The following FANCA variants were observed in gnomAD, a reference collection of about 807,000 sequenced individuals.
FANCA encodes the protein Fanconi anemia group A protein.
FANCA carries 236 observed loss-of-function variants against 194.3 expected under a neutral mutation model. That is an observed-to-expected ratio of 1.21 (90% CI 1.09 to 1.35). FANCA has a LOEUF of 1.35. FANCA is among the 40% of genes most tolerant of loss of function. FANCA has a pLI of 0.00. For missense variants in FANCA, 2,628 were observed against 1,813.9 expected, an observed-to-expected ratio of 1.45 and a Z score of -8.15; for synonymous variants, 1,014 against 715.8, an observed-to-expected ratio of 1.42 and a Z score of -6.65.
rs2062090760 is a variant in FANCA at position 89,740,100 on chromosome 16, C to G, written c.3829-1G>C. 6.2e-7 allele frequency: 1 copy of G among 1,613,970 alleles called. No homozygotes were observed. Among genetic ancestry groups the G allele is most frequent in the Non-Finnish European group, 8.5e-7 (1 of 1,179,912 alleles). On this transcript the variant is annotated splice_acceptor_variant, in intron 38 of 42. Transcript: ENST00000389301. LOFTEE classifies it high-confidence loss of function. ...AAGCCTTTGGCAGGTCTGTGGTGCT[C>G]TGTAAACCGCAGGAGACCAACCCTG...
At chr16:89,806,662 G>A (rs1038896316) in intron 6 of FANCA, among the ~76,000 whole-genome samples, 12 of 152,096 alleles carry the variant, frequency 7.9e-5, no homozygotes, top group Admixed American at 7.9e-4. Flanking sequence ...GCACAGGGTT[G>A]GGGGCAAGGT....
At position 89,764,034 on chromosome 16, in the gene FANCA, G is replaced by C. The variant is rs552085061; in HGVS notation, c.2778+856C>G. Reference sequence around the variant, plus strand: ...AGGCGTGTGGGTAATTTGAGGCCAGGAGTTTAAGACCAGCCTGGACAACAT... The same window carrying C: ...AGGCGTGTGGGTAATTTGAGGCCAGCAGTTTAAGACCAGCCTGGACAACAT... On this transcript the variant is annotated intron_variant, in intron 28 of 42. Transcript: ENST00000389301. 2.0e-5 allele frequency among the ~76,000 whole-genome samples: 3 copies of C among 151,954 alleles called. No homozygotes were observed. In the East Asian group the frequency reaches 5.9e-4, roughly 30 times the overall value.
rs140157572 is a variant in FANCA at position 89,809,214 on chromosome 16, G to A, written c.523-847C>T. 1.3e-3 allele frequency among the ~76,000 whole-genome samples: 203 copies of A among 151,788 alleles called. 1 individual carries two copies. The highest frequency in any genetic ancestry group is 7.7e-4 in the Non-Finnish European group (52 of 67,930). ...AGCCACTGGGCCCGGCCCCTAACTC[G>A]CACTCTTCACAGTCCGTGCAGGAAG... is the stretch of plus-strand genomic sequence containing the variant. On this transcript the variant is annotated intron_variant, in intron 5 of 42. Transcript: ENST00000389301.
chr16:89,738,333 G>A lies in FANCA; in HGVS notation c.*268C>T, dbSNP rs1021626760. ...ACCCTTCGTGTGCACCCGCATGGGAGGGTCGGAGGGTGCTGCCCGCCCTTG... is the reference window on the plus strand; with the variant it reads ...ACCCTTCGTGTGCACCCGCATGGGAAGGTCGGAGGGTGCTGCCCGCCCTTG... On this transcript the variant is annotated 3_prime_UTR_variant, in exon 43 of 43. Transcript: ENST00000389301. The A allele has an allele frequency of 5.3e-6, 8 of 1,498,372 alleles. No homozygotes were observed. The highest frequency in any genetic ancestry group is 7.1e-6 in the Non-Finnish European group (8 of 1,124,034). 92.8% of individuals were successfully genotyped at this position (1,498,372 alleles called of 1,614,324 possible).
chr16:89,744,911 C>A, intron 36 of FANCA, 48 bp downstream of exon 36: 1 of 1,552,456 alleles, frequency 6.4e-7, no homozygotes, highest in South Asian at 1.1e-5. Context: ...TGAGCAGGTC[C>A]CGAAGTGCAT....
chr16:89,755,162 A>C (rs1448777297), intron 30 of FANCA, among the ~76,000 whole-genome samples: 1 of 152,158 alleles, frequency 6.6e-6, no homozygotes, highest in Non-Finnish European at 1.5e-5. Context: ...GTGCTGGGAC[A>C]ACTGCATGGC....
intron 30 of FANCA, among the ~76,000 whole-genome samples, chr16:89,758,217 G>C (rs1370930111): frequency 6.6e-6 from 1 of 152,174 alleles, no homozygotes. Context: ...AGGAAGCTTG[G>C]CTTTATTTTG....
chr16:89,807,067 T>C (rs968621766), intron 6 of FANCA, among the ~76,000 whole-genome samples: 3 of 152,234 alleles, frequency 2.0e-5, no homozygotes, highest in African/African-American at 4.8e-5. Flanking sequence ...AAGGGGAGTA[T>C]TGAAACCTCT....
chr16:89,746,822 G>T lies in FANCA; in HGVS notation c.3408+9C>A. On this transcript the variant is annotated intron_variant, in intron 34 of 42. Coordinates refer to ENST00000389301, the MANE Select transcript of FANCA (RefSeq NM_000135.4). ...GAAGGCCACGAGAGGGGCTGAGGGA[G>T]CATCTCACCCTGAAGAAGTGGGCAG... 1.3e-6 allele frequency: 2 copies of T among 1,567,856 alleles called. No individual in the cohort carries two copies. The highest frequency in any genetic ancestry group is 1.7e-6 in the Non-Finnish European group (2 of 1,155,272).
intron 27 of FANCA, 145 bp downstream of exon 27, chr16:89,766,996 G>C (rs34194430): frequency 8.2e-6 from 6 of 730,794 alleles, no homozygotes; most frequent in Admixed American, 2.0e-5. Flanking sequence ...CCTGACTCAG[G>C]AGCTGCCCCA....
At chr16:89,805,152 G>T (rs2040591033) in intron 7 of FANCA, 128 bp downstream of exon 7, 3 of 731,898 alleles carry the variant, frequency 4.1e-6, no homozygotes, top group Non-Finnish European at 7.4e-6. Flanking sequence ...CTGGGAGTCT[G>T]TCATGCCAGG....
chr16:89,762,788 G>C (rs12598276), intron 28 of FANCA: 27,921 of 449,572 alleles, frequency 0.062, 1,357 homozygotes, highest in East Asian at 0.22. Flanking sequence ...ACATCACCAT[G>C]ACCAGCTAAG....
rs1488079248 is a variant in FANCA, at chr16:89,783,078, C to G, written c.1495G>C (p.Val499Leu). 1.2e-6 allele frequency: 2 copies of G among 1,613,776 alleles called. No homozygotes were observed. The highest frequency in any genetic ancestry group is 8.5e-7 in the Non-Finnish European group (1 of 1,179,794). Residue 499 changes from valine to leucine, a missense_variant, in exon 16 of 43, where the codon GTT becomes CTT. Transcript: ENST00000389301. Reference protein sequence around the residue: ...LQVHILHPPLVPGKYRSLLTD... With the variant: ...LQVHILHPPLLPGKYRSLLTD... The stretch of plus-strand genomic sequence containing the variant: ...AGGAGGGAGCGGTACTTGCCGGGAA[C>G]CAGGGGTGGGTGGAGAATGTGCACC...
chr16:89,779,845 G>A (rs1230840925), intron 18 of FANCA, 24 bp downstream of exon 18: 1 of 1,604,066 alleles, frequency 6.2e-7, no homozygotes, highest in Non-Finnish European at 8.5e-7. Flanking sequence ...AGCTGCTAGA[G>A]GCCTTTTCGG....
chr16:89,758,497 C>A (rs2038835450), intron 30 of FANCA, 80 bp downstream of exon 30: 3 of 1,557,930 alleles, frequency 1.9e-6, no homozygotes, highest in South Asian at 2.2e-5. Flanking sequence ...TGGGCACCAG[C>A]ATGGCCAGAA....
At chr16:89,781,542 GGCA>G (rs2039706252) in intron 17 of FANCA, among the ~76,000 whole-genome samples, 2 of 150,394 alleles carry the variant, frequency 1.3e-5, no homozygotes, top group East Asian at 2.0e-4. Context: ...TGGGTGTGGT[GGCA>G]GGTGCCTGTA....
chr16:89,767,027 G>A (rs1449429627), intron 27 of FANCA, 114 bp downstream of exon 27: 10 of 855,298 alleles, frequency 1.2e-5, no homozygotes, highest in South Asian at 9.3e-5. Flanking sequence ...CCTGACCCAG[G>A]AGCTGCCCCT....
At chr16:89,814,682 C>A in intron 2 of FANCA, 69 bp from the exon 3 acceptor site, 1 of 1,122,100 alleles carries the variant, frequency 8.9e-7, no homozygotes, top group South Asian at 1.2e-5. Flanking sequence ...GTGGCTCACG[C>A]CTGTAATCCC....
rs560734250 is a variant in FANCA, at chr16:89,780,061, T to C, written c.1627-104A>G. ...CCTGTGCTTCCTTGTTGAAAGGCTC[T>C]GTACACATTAAAGGTAAAGGCCCAC... On this transcript the variant is annotated intron_variant, in intron 17 of 42. Coordinates refer to ENST00000389301, the MANE Select transcript of FANCA (RefSeq NM_000135.4). 6.2e-5 allele frequency: 65 copies of C among 1,050,812 alleles called. No homozygotes were observed. In the East Asian group the frequency reaches 1.5e-3, roughly 24 times the overall value. 65.1% of individuals were successfully genotyped at this position (1,050,812 alleles called of 1,614,324 possible). A position where few individuals can be genotyped will look rare whatever the true frequency, so the allele number is the denominator to read the frequency against.
Sources: allele counts gnomAD v4.1 joint callset (sites outside exome capture counted in the v4.1 genomes callset), GRCh38; gene constraint gnomAD v4.1.1; transcripts MANE v1.5; gene names NCBI Gene and HGNC (gene_info 2026-07-23, HGNC 2026-07-21).